Variants in NGEF observed in about 807,000 individuals in gnomAD.
The protein encoded by NGEF is neuronal guanine nucleotide exchange factor, also known as ephexin-1.
Under a neutral mutation model 80.9 loss-of-function variants are expected in NGEF, and 31 were observed. The observed-to-expected ratio is 0.38, with a 90% CI of 0.29 to 0.52. The LOEUF is 0.52. NGEF is among the 20% of genes least tolerant of loss of function. The pLI, the probability that NGEF is intolerant of heterozygous loss-of-function variation, is 0.84. For missense variants in NGEF, 709 were observed against 926.2 expected (o/e 0.77, Z 3.04); for synonymous variants, 371 against 370.2 (o/e 1.00, Z -0.03).
Position 232,952,970 on chromosome 2 carries a change from C to CA in NGEF, c.383+17243dup, listed in dbSNP as rs57198276. ...GTGCAGACAAGAGTGAGACAGCCCT[C>CA]AAAAAAAAAAAAAAAAAAAAAAAAA... On this transcript the variant is annotated intron_variant, in intron 3 of 14. Coordinates refer to ENST00000264051, the MANE Select transcript of NGEF (RefSeq NM_019850.3). 1.4e-3 allele frequency among the ~76,000 whole-genome samples: 99 copies of CA among 73,044 alleles called. 3 individuals carry two copies. Among genetic ancestry groups the CA allele is most frequent in the Non-Finnish European group, 1.6e-3 (60 of 37,876 alleles). The allele number at this position is 73,044 out of a possible 152,430, so 47.9% of individuals were successfully genotyped here.
chr2:232,883,925 T>C (rs940389487), intron 11 of NGEF, 56 bp downstream of exon 11: 2 of 1,512,510 alleles, frequency 1.3e-6, no homozygotes, highest in Non-Finnish European at 1.8e-6. Context: ...TCAAACCCAA[T>C]GCCCAACACA....
At chr2:232,929,444 A>C (rs1015891040) in intron 3 of NGEF, among the ~76,000 whole-genome samples, 1 of 152,158 alleles carries the variant, frequency 6.6e-6, no homozygotes, top group African/African-American at 2.4e-5. Flanking sequence ...ACTCTAGAAA[A>C]GGGTGTTCAG....
At chr2:232,937,118 C>T (rs1235586167) in intron 3 of NGEF, among the ~76,000 whole-genome samples, 3 of 152,128 alleles carry the variant, frequency 2.0e-5, no homozygotes, top group African/African-American at 7.2e-5. Context: ...TACAGGTGCG[C>T]ACCACCATGC....
intron 5 of NGEF, among the ~76,000 whole-genome samples, chr2:232,896,184 G>A (rs1176674324): frequency 6.6e-6 from 1 of 152,136 alleles, no homozygotes; most frequent in Non-Finnish European, 1.5e-5. Context: ...TTGGGAAAAG[G>A]GTCTGTGCAG....
In NGEF at chr2:232,927,137, C is replaced by A; in HGVS notation, c.433G>T (p.Ala145Ser). ...AGCGTGGTGGGGCTGTCGGCCAGGGCCGGCCACTCCTCGGGCGTGGCCCCA... is the reference window on the plus strand; with the variant it reads ...AGCGTGGTGGGGCTGTCGGCCAGGGACGGCCACTCCTCGGGCGTGGCCCCA... ...GNGATPEEWP[A>S]LADSPTTLTE... Residue 145 changes from alanine to serine, a missense_variant, in exon 4 of 15, where the codon GCC becomes TCC. By Grantham distance (99) the Ala-to-Ser change is moderately conservative. Coordinates refer to ENST00000264051, the MANE Select transcript of NGEF (RefSeq NM_019850.3). 6.2e-7 allele frequency: 1 copy of A among 1,611,324 alleles called. No individual in the cohort carries two copies. The highest frequency in any genetic ancestry group is 8.5e-7 in the Non-Finnish European group (1 of 1,179,074).
chr2:232,889,554 C>T (rs759595823), intron 8 of NGEF, among the ~76,000 whole-genome samples: 7 of 152,206 alleles, frequency 4.6e-5, no homozygotes, highest in Non-Finnish European at 8.8e-5. Flanking sequence ...TTCATATATG[C>T]ACTTTCCCTA....
chr2:232,940,878 C>T (rs1449105425), intron 3 of NGEF, among the ~76,000 whole-genome samples: 1 of 149,546 alleles, frequency 6.7e-6, no homozygotes, highest in African/African-American at 2.5e-5. Flanking sequence ...ATGAAATTTT[C>T]CTCCTTTCGT....
At chr2:232,948,192 T>C (rs1351622817) in intron 3 of NGEF, among the ~76,000 whole-genome samples, 1 of 150,482 alleles carries the variant, frequency 6.6e-6, no homozygotes, top group Non-Finnish European at 1.5e-5. Context: ...TGTATATAAT[T>C]ATTATTAGTT....
rs143190519 is a variant in NGEF at position 232,974,692 on chromosome 2, G to A, written c.199C>T (p.Arg67Cys). The A allele has an allele frequency of 1.5e-5, 25 of 1,614,104 alleles. No homozygotes were observed. Among genetic ancestry groups the A allele is most frequent in the African/African-American group, 2.7e-5 (2 of 74,934 alleles). Residue 67 changes from arginine (R) to cysteine (C), a missense_variant, in exon 2 of 15, where the codon CGC becomes TGC. Arg to Cys is a radical substitution (Grantham distance 180). Around this residue, in one of 2 missense-constraint regions of NGEF, gnomAD observed 283 missense variants for 303.4 expected, o/e 0.93. Coordinates refer to ENST00000264051, the MANE Select transcript of NGEF (RefSeq NM_019850.3). ...GCTTTGCTTTTGCGTCTTATGGAGCGATTGAAGATGGAATTTCTCTTAATT... is the reference window on the plus strand; with the variant it reads ...GCTTTGCTTTTGCGTCTTATGGAGCAATTGAAGATGGAATTTCTCTTAATT... ...IPIKRNSIFN[R>C]SIRRKSKAKA...
chr2:233,011,331 A>G (rs1478434985), intron 1 of NGEF, among the ~76,000 whole-genome samples: 2 of 151,984 alleles, frequency 1.3e-5, no homozygotes, highest in African/African-American at 4.8e-5. Flanking sequence ...CTGACTCCTT[A>G]CTCGGGAAGC....
rs550581371 is a variant in NGEF, at chr2:233,003,063, G to A, written c.-75+10005C>T. On this transcript the variant is annotated intron_variant, in intron 1 of 14. Transcript: ENST00000264051. Reference sequence around the variant, plus strand: ...TTTCACCAAATCCCAAGTGGGTCTCGGCCCCCTAAGCTTCCTGCAGTCCTT... The same window carrying A: ...TTTCACCAAATCCCAAGTGGGTCTCAGCCCCCTAAGCTTCCTGCAGTCCTT... Among the ~76,000 whole-genome samples, 21 of 152,288 alleles carry A rather than the reference G, an allele frequency of 1.4e-4. No individual in the cohort carries two copies. The South Asian group carries it at 1.7e-3, about 12-fold the overall frequency.
chr2:232,985,934 C>T (rs1347871043), intron 1 of NGEF, among the ~76,000 whole-genome samples: 2 of 138,382 alleles, frequency 1.4e-5, no homozygotes, highest in African/African-American at 5.2e-5. Context: ...AGTGAGACTC[C>T]GTCCAAAAAA....
chr2:232,881,287 G>A (rs762000710), intron 13 of NGEF, 37 bp from the exon 14 acceptor site: 21 of 1,526,004 alleles, frequency 1.4e-5, no homozygotes, highest in Middle Eastern at 1.7e-4. Context: ...CCCCACCACC[G>A]CACTACCCAC....
At chr2:232,927,861 G>T in intron 3 of NGEF, 1 of 1,246,166 alleles carries the variant, frequency 8.0e-7, no homozygotes, top group Non-Finnish European at 1.0e-6. Context: ...CGGGGGCGGC[G>T]CGCCGGGGCC....
At chr2:232,899,947 C>T (rs1692243925) in intron 5 of NGEF, among the ~76,000 whole-genome samples, 1 of 145,854 alleles carries the variant, frequency 6.9e-6, no homozygotes, top group Non-Finnish European at 1.5e-5. Flanking sequence ...TTCACTTACA[C>T]ACATGCTCTC....
chr2:232,944,726 A>AATACATATATATATAT (rs1553552730), intron 3 of NGEF, among the ~76,000 whole-genome samples: 3 of 108,722 alleles, frequency 2.8e-5, no homozygotes, highest in African/African-American at 1.0e-4. Context: ...GACTTTTCCG[A>AATACATATATATATAT]ATATATATAT....
At chr2:232,995,049 T>C (rs796515045) in intron 1 of NGEF, among the ~76,000 whole-genome samples, 1 of 84,672 alleles carries the variant, frequency 1.2e-5, no homozygotes, top group Non-Finnish European at 2.4e-5. Context: ...GTATGTATAC[T>C]GTATATATGT....
chr2:232,910,392 A>G (rs1343909795), intron 5 of NGEF, among the ~76,000 whole-genome samples: 2 of 149,966 alleles, frequency 1.3e-5, no homozygotes, highest in East Asian at 2.0e-4. Context: ...ACAGCTGTAA[A>G]TATAGATCAA....
chr2:232,883,832 A>G (rs1283427180), intron 11 of NGEF, 149 bp downstream of exon 11: 3 of 814,614 alleles, frequency 3.7e-6, no homozygotes, highest in Non-Finnish European at 5.5e-6. Flanking sequence ...AAAGGCCCAA[A>G]GCTGGGCCAC....
Sources: allele counts gnomAD v4.1 joint callset (sites outside exome capture counted in the v4.1 genomes callset), GRCh38; gene constraint gnomAD v4.1.1; regional missense constraint gnomAD v4.1.1; transcripts MANE v1.5; gene names NCBI Gene and HGNC (gene_info 2026-07-23, HGNC 2026-07-21).